Variants in IKBKB observed in about 807,000 individuals in gnomAD.
The protein encoded by IKBKB is inhibitor of nuclear factor kappa-B kinase subunit beta.
IKBKB carries 42 observed loss-of-function variants against 113.6 expected under a neutral mutation model. The observed-to-expected ratio is 0.37, with a 90% CI of 0.29 to 0.48. IKBKB has a LOEUF of 0.48. Ranked by LOEUF, IKBKB falls within the 20% of genes least tolerant of loss-of-function variation. IKBKB has a pLI of 0.99. For missense variants in IKBKB, 673 were observed against 939.7 expected, an observed-to-expected ratio of 0.72 and a Z score of 3.71; for synonymous variants, 296 against 361.3, an observed-to-expected ratio of 0.82 and a Z score of 2.05.
rs1288124712 is a variant in IKBKB, at chr8:42,316,676, T to C, written c.931-34T>C. ...ATAGATGGGCATTTCCTTGAAGAAA[T>C]CGGTTTTCCAGTAACATCTGGGTTG... On this transcript the variant is annotated intron_variant, in intron 10 of 21. Transcript: ENST00000520810. This position sits in a 1 kb window ranked among gnomAD's most constrained non-coding sequence, Gnocchi z 4.5. The C allele has an allele frequency of 1.3e-6, 2 of 1,582,136 alleles. No individual in the cohort carries two copies. Among genetic ancestry groups the C allele is most frequent in the South Asian group, 2.3e-5 (2 of 87,248 alleles).
chr8:42,274,811 G>A lies in IKBKB; in HGVS notation c.105+2606G>A, dbSNP rs1414976114. Reference sequence around the variant, plus strand: ...GCCCCCCCCCCCCCCCGCCATCCCAGCCTCCCAAAGTGCTGGGATTACAGG... The same window carrying A: ...GCCCCCCCCCCCCCCCGCCATCCCAACCTCCCAAAGTGCTGGGATTACAGG... On this transcript the variant is annotated intron_variant, in intron 2 of 21. Transcript: ENST00000520810. 2.5e-4 allele frequency among the ~76,000 whole-genome samples: 9 copies of A among 36,590 alleles called. 1 individual carries two copies. The South Asian group carries it at 6.5e-3, about 27-fold the overall frequency. The allele number at this position is 36,590 out of a possible 152,430, so 24.0% of individuals were successfully genotyped here.
At position 42,326,022 on chromosome 8, in the gene IKBKB, G is replaced by A. The variant is rs140546524; in HGVS notation, c.2039G>A (p.Arg680Gln). ...SGSPDSMNAS[R>Q]LSQPGQLMSQ... ...AGCCCGGATAGCATGAATGCCTCTCGACTTAGCCAGCCTGGGCAGCTGATG... is the reference window on the plus strand; with the variant it reads ...AGCCCGGATAGCATGAATGCCTCTCAACTTAGCCAGCCTGGGCAGCTGATG... The change falls in exon 20 of 22, where the codon CGA (arginine) becomes CAA (glutamine). Residue 680 changes from arginine to glutamine, a missense_variant. By Grantham distance (43) the Arg-to-Gln change is conservative. This residue lies in a region of IKBKB where 506 missense variants were observed against 638.7 expected (regional missense o/e 0.79). Coordinates refer to ENST00000520810, the MANE Select transcript of IKBKB (RefSeq NM_001556.3). 12 of 1,614,054 alleles carry A rather than the reference G, an allele frequency of 7.4e-6. No homozygotes were observed. The highest frequency in any genetic ancestry group is 2.7e-5 in the African/African-American group (2 of 74,932).
chr8:42,305,945 C>G (rs1816437754), intron 6 of IKBKB, among the ~76,000 whole-genome samples: 1 of 152,244 alleles, frequency 6.6e-6, no homozygotes, highest in Non-Finnish European at 1.5e-5. Flanking sequence ...AGGGCTCGCC[C>G]TTGTTCCAGT....
At chr8:42,280,171 A>G (rs1044085040) in intron 2 of IKBKB, among the ~76,000 whole-genome samples, 1 of 152,136 alleles carries the variant, frequency 6.6e-6, no homozygotes, top group Non-Finnish European at 1.5e-5. Flanking sequence ...TTGGAGGACA[A>G]AACACTTATA....
At chr8:42,311,623 A>G (rs1817721554) in intron 8 of IKBKB, among the ~76,000 whole-genome samples, 1 of 152,066 alleles carries the variant, frequency 6.6e-6, no homozygotes, top group Non-Finnish European at 1.5e-5. Flanking sequence ...CTTTGAAATC[A>G]ATTCCAGAAA....
chr8:42,311,949 C>T lies in IKBKB; in HGVS notation c.693-2373C>T, dbSNP rs542811594. Among the ~76,000 whole-genome samples, 59 of 152,234 alleles carry T rather than the reference C, an allele frequency of 3.9e-4. No individual in the cohort carries two copies. In the South Asian group the frequency reaches 9.9e-3, roughly 26 times the overall value. On this transcript the variant is annotated intron_variant, in intron 8 of 21. Transcript: ENST00000520810. ...TTGCCCAGGCTGGAGTGTAGTGGCG[C>T]GATCGCGGCTCACTGCAAGCTCCGC...
At chr8:42,307,230 A>G (rs1315365432) in intron 7 of IKBKB, among the ~76,000 whole-genome samples, 1 of 152,166 alleles carries the variant, frequency 6.6e-6, no homozygotes, top group East Asian at 1.9e-4. Context: ...ATTCCGTGCA[A>G]AGGGATCACA....
chr8:42,305,326 TG>T (rs752341010), intron 6 of IKBKB, 51 bp downstream of exon 6: 1 of 1,164,918 alleles, frequency 8.6e-7, no homozygotes, highest in East Asian at 2.3e-5. Flanking sequence ...TGCCGGGAAG[TG>T]GCCTGGGAGG....
At chr8:42,273,014 T>C (rs1035171024) in intron 2 of IKBKB, among the ~76,000 whole-genome samples, 4 of 149,998 alleles carry the variant, frequency 2.7e-5, no homozygotes, top group Non-Finnish European at 5.9e-5. Context: ...GAGGCTGATG[T>C]GGGAGGATTG....
intron 5 of IKBKB, among the ~76,000 whole-genome samples, chr8:42,297,352 C>T (rs540344926): frequency 2.0e-5 from 3 of 152,138 alleles, no homozygotes; most frequent in Non-Finnish European, 4.4e-5. Flanking sequence ...CCTCACATTT[C>T]CTTTGTTGGA....
intron 5 of IKBKB, among the ~76,000 whole-genome samples, chr8:42,294,503 C>G (rs1813309459): frequency 6.6e-6 from 1 of 152,184 alleles, no homozygotes; most frequent in Non-Finnish European, 1.5e-5. Flanking sequence ...CACTGTCTTG[C>G]TAGTGTGGGT....
intron 5 of IKBKB, among the ~76,000 whole-genome samples, chr8:42,298,697 G>C (rs1020731563): frequency 6.6e-6 from 1 of 152,166 alleles, no homozygotes. Context: ...AGCCTTGGGC[G>C]AGGCATGGAA....
At chr8:42,303,913 C>CT (rs1563333265) in intron 5 of IKBKB, among the ~76,000 whole-genome samples, 2 of 152,190 alleles carry the variant, frequency 1.3e-5, no homozygotes, top group African/African-American at 4.8e-5. Flanking sequence ...CCCCACCTCT[C>CT]TTATCTTTTG....
intron 2 of IKBKB, among the ~76,000 whole-genome samples, chr8:42,275,733 T>C (rs1808942608): frequency 6.6e-6 from 1 of 152,256 alleles, no homozygotes; most frequent in South Asian, 2.1e-4. Context: ...TTGTGAATAG[T>C]GCTGCAGTAA....
At chr8:42,273,987 T>G (rs1483051629) in intron 2 of IKBKB, among the ~76,000 whole-genome samples, 8 of 152,224 alleles carry the variant, frequency 5.3e-5, no homozygotes, top group African/African-American at 1.7e-4. Context: ...TCCTTTTTGT[T>G]GGAAACAGTC....
chr8:42,326,174 G>C (rs368885434), intron 20 of IKBKB, 77 bp downstream of exon 20: 21 of 1,546,080 alleles, frequency 1.4e-5, no homozygotes, highest in East Asian at 1.1e-4. Context: ...GTTTGTCACT[G>C]GTAAATGTCT....
intron 8 of IKBKB, chr8:42,309,371 C>A: frequency 2.7e-6 from 1 of 372,626 alleles, no homozygotes; most frequent in Non-Finnish European, 5.2e-6. Flanking sequence ...AAATAAAACA[C>A]GTGTACACAT....
rs140581166 is a variant in IKBKB at position 42,313,328 on chromosome 8, G to C, written c.693-994G>C. 5.3e-5 allele frequency among the ~76,000 whole-genome samples: 8 copies of C among 152,254 alleles called. 1 individual carries two copies. Among genetic ancestry groups the C allele is most frequent in the African/African-American group, 1.9e-4 (8 of 41,546 alleles). On this transcript the variant is annotated intron_variant, in intron 8 of 21. Transcript: ENST00000520810. The stretch of plus-strand genomic sequence containing the variant: ...TTGCTGGGTGTGGTGGCGCACACCA[G>C]TAGTCCCAGCTACTCAGGAGGCTGA...
chr8:42,312,421 T>C (rs1267440849), intron 8 of IKBKB, among the ~76,000 whole-genome samples: 1 of 152,232 alleles, frequency 6.6e-6, no homozygotes, highest in Non-Finnish European at 1.5e-5. Flanking sequence ...AGTAGATTTC[T>C]CTGAAACCCA....
Sources: gnomAD v4.1 joint callset for allele counts (sites outside exome capture counted in the v4.1 genomes callset) on GRCh38, gnomAD v4.1.1 for gene constraint, gnomAD v4.1.1 regional missense constraint, Gnocchi (gnomAD v3.1) non-coding constraint, MANE v1.5 for transcripts, NCBI Gene and HGNC (gene_info 2026-07-23, HGNC 2026-07-21) for gene names.